PPFIA2: variants seen among roughly 807,000 people sequenced by gnomAD.
PPFIA2 encodes PPFI scaffold protein A2.
Under a neutral mutation model 175.5 loss-of-function variants are expected in PPFIA2, and 46 were observed. The ratio of observed to expected loss-of-function variants is 0.26; its 90% confidence interval spans 0.21 to 0.34. PPFIA2 has a LOEUF of 0.34. Among genes scored for constraint, PPFIA2 ranks in the 10% least tolerant of loss-of-function variants. The probability of loss-of-function intolerance (pLI) is 1.00; values close to 1 mark genes in which losing one functional copy is unlikely to be tolerated. For missense variants in PPFIA2, 1,179 were observed against 1,506.1 expected, an observed-to-expected ratio of 0.78 and a Z score of 3.60; for synonymous variants, 568 against 511.4, an observed-to-expected ratio of 1.11 and a Z score of -1.49.
At chr12:81,443,912 T>TGGCGC (rs1243418935) in intron 6 of PPFIA2, among the ~76,000 whole-genome samples, 7 of 133,054 alleles carry the variant, frequency 5.3e-5, no homozygotes, top group Admixed American at 1.7e-4. Context: ...TGGAGTGCAG[T>TGGCGC]GGCGCGATCT....
chr12:81,451,368 T>G (rs2052539140), intron 5 of PPFIA2, among the ~76,000 whole-genome samples: 1 of 152,042 alleles, frequency 6.6e-6, no homozygotes, highest in African/African-American at 2.4e-5. Flanking sequence ...TGACTTAAGA[T>G]CAGTCAACCA....
chr12:81,259,674 T>A lies in PPFIA2; in HGVS notation c.*34-14A>T. On this transcript the variant is annotated splice_polypyrimidine_tract_variant and intron_variant, in intron 32 of 32. Transcript: ENST00000549396. ...AAAAGACGCCATCTAAAATATACAA[T>A]GGATAGCATTAGTTCACTGAAAAGT... 6.5e-7 allele frequency: 1 copy of A among 1,533,440 alleles called. No homozygotes were observed. Among genetic ancestry groups the A allele is most frequent in the Non-Finnish European group, 8.7e-7 (1 of 1,144,776 alleles). 95.0% of individuals were successfully genotyped at this position (1,533,440 alleles called of 1,614,324 possible).
At chr12:81,708,168 A>G (rs1032062927) in intron 3 of PPFIA2, among the ~76,000 whole-genome samples, 4 of 152,096 alleles carry the variant, frequency 2.6e-5, no homozygotes, top group Non-Finnish European at 5.9e-5. Flanking sequence ...AACTTAAAGT[A>G]TAATAATAAA....
intron 4 of PPFIA2, among the ~76,000 whole-genome samples, chr12:81,530,680 A>G (rs2064390150): frequency 1.3e-5 from 2 of 151,754 alleles, no homozygotes; most frequent in African/African-American, 4.8e-5. Flanking sequence ...AAGAGGGTAC[A>G]GTCTCCTTAG....
chr12:81,639,792 A>T (rs552032884), intron 4 of PPFIA2, among the ~76,000 whole-genome samples: 1 of 152,146 alleles, frequency 6.6e-6, no homozygotes, highest in Non-Finnish European at 1.5e-5. Context: ...TTGCATTGAT[A>T]TCGCAATACT....
chr12:81,368,922 G>T (rs1736142868), intron 12 of PPFIA2, 66 bp from the exon 13 acceptor site: 1 of 1,514,662 alleles, frequency 6.6e-7, no homozygotes. Context: ...TTATAGTGTT[G>T]CTAGTTTTAA....
At chr12:81,653,937 T>A (rs182738428) in intron 4 of PPFIA2, among the ~76,000 whole-genome samples, 34 of 152,156 alleles carry the variant, frequency 2.2e-4, no homozygotes, top group Non-Finnish European at 4.1e-4. Flanking sequence ...ATACTAAATA[T>A]AGATATGAGT....
chr12:81,750,519 T>A (rs1460234462), intron 3 of PPFIA2, among the ~76,000 whole-genome samples: 1 of 106,650 alleles, frequency 9.4e-6, no homozygotes, highest in East Asian at 3.3e-4. Flanking sequence ...GTTTGGAGCA[T>A]GTTGAATCTG....
intron 21 of PPFIA2, among the ~76,000 whole-genome samples, chr12:81,338,972 C>A (rs558316727): frequency 6.6e-6 from 1 of 152,188 alleles, no homozygotes; most frequent in African/African-American, 2.4e-5. Context: ...AATAAAATGA[C>A]TGAAAAGTTC....
intron 4 of PPFIA2, among the ~76,000 whole-genome samples, chr12:81,474,445 C>T (rs2057220263): frequency 6.6e-6 from 1 of 152,138 alleles, no homozygotes; most frequent in East Asian, 1.9e-4. Flanking sequence ...GCATGCACCA[C>T]CACACCCAGC....
chr12:81,560,882 G>A (rs1336330061), intron 4 of PPFIA2, among the ~76,000 whole-genome samples: 1 of 152,092 alleles, frequency 6.6e-6, no homozygotes, highest in Non-Finnish European at 1.5e-5. Context: ...GAAAACAGCT[G>A]ATAATTTTTA....
intron 3 of PPFIA2, among the ~76,000 whole-genome samples, chr12:81,701,383 C>T (rs2076460087): frequency 6.6e-6 from 1 of 151,964 alleles, no homozygotes; most frequent in Non-Finnish European, 1.5e-5. Context: ...ATGAGGGTAC[C>T]ATCTTGAAGA....
At chr12:81,549,756 T>C (rs1426069121) in intron 4 of PPFIA2, among the ~76,000 whole-genome samples, 1 of 152,006 alleles carries the variant, frequency 6.6e-6, no homozygotes, top group African/African-American at 2.4e-5. Context: ...ATTCTTATTT[T>C]AAGATTTTCT....
chr12:81,401,051 A>C (rs954245781), intron 8 of PPFIA2, among the ~76,000 whole-genome samples: 3 of 152,064 alleles, frequency 2.0e-5, no homozygotes, highest in Non-Finnish European at 2.9e-5. Flanking sequence ...CACCATCTTA[A>C]AAAGATCCCT....
intron 3 of PPFIA2, among the ~76,000 whole-genome samples, chr12:81,743,447 T>TAAAAAAAA (rs2082612650): frequency 1.8e-5 from 1 of 56,086 alleles, no homozygotes; most frequent in Non-Finnish European, 4.7e-5. Context: ...AAAAAAAAAC[T>TAAAAAAAA]TTTGCTGTAA....
At chr12:81,377,208 A>C (rs2036567655) in intron 9 of PPFIA2, among the ~76,000 whole-genome samples, 1 of 152,054 alleles carries the variant, frequency 6.6e-6, no homozygotes, top group Non-Finnish European at 1.5e-5. Flanking sequence ...CCATTATTTG[A>C]CTTTGAGAAT....
chr12:81,377,859 A>G (rs2036742057), intron 9 of PPFIA2, among the ~76,000 whole-genome samples: 1 of 152,180 alleles, frequency 6.6e-6, no homozygotes, highest in South Asian at 2.1e-4. Flanking sequence ...CATCCCCCCA[A>G]AATTCGTGTC....
At chr12:81,554,266 G>A (rs1031300498) in intron 4 of PPFIA2, among the ~76,000 whole-genome samples, 21 of 151,882 alleles carry the variant, frequency 1.4e-4, no homozygotes, top group African/African-American at 4.6e-4. Flanking sequence ...ATAATTTTAG[G>A]TACTTAATTA....
chr12:81,285,205 C>A (rs1293113379), intron 24 of PPFIA2, among the ~76,000 whole-genome samples: 1 of 152,090 alleles, frequency 6.6e-6, no homozygotes, highest in Admixed American at 6.6e-5. Context: ...AAGGTATTGG[C>A]CCCTGGAAAC....
Sources: allele counts gnomAD v4.1 joint callset (sites outside exome capture counted in the v4.1 genomes callset), GRCh38; gene constraint gnomAD v4.1.1; transcripts MANE v1.5; gene names NCBI Gene and HGNC (gene_info 2026-07-23, HGNC 2026-07-21).